The following CDC123 variants were observed in gnomAD, a reference collection of about 807,000 sequenced individuals.
CDC123 encodes translation initiation factor eIF2 assembly protein.
In CDC123, 37 loss-of-function variants were observed where a neutral mutation model predicts 54.4. The ratio of observed to expected loss-of-function variants is 0.68; its 90% confidence interval spans 0.52 to 0.89. CDC123 has a LOEUF of 0.89. CDC123 is among the 40% of genes least tolerant of loss of function. The pLI is 0.00. For missense variants in CDC123, 361 were observed against 412.1 expected (o/e 0.88, Z 1.07); for synonymous variants, 144 against 136.8 (o/e 1.05, Z -0.37).
At chr10:12,236,314 A>C (rs962214425) in intron 8 of CDC123, among the ~76,000 whole-genome samples, 5 of 152,276 alleles carry the variant, frequency 3.3e-5, no homozygotes, top group East Asian at 1.9e-4. Flanking sequence ...AACTGTTTCC[A>C]TGGGCAAGGT....
At chr10:12,221,805 T>A (rs774431573) in intron 6 of CDC123, among the ~76,000 whole-genome samples, 2 of 150,212 alleles carry the variant, frequency 1.3e-5, no homozygotes, top group Non-Finnish European at 2.9e-5. Flanking sequence ...TATTTACTTA[T>A]TTTTTAGCTC....
chr10:12,218,516 G>A (rs1213280989), intron 6 of CDC123, among the ~76,000 whole-genome samples: 1 of 152,162 alleles, frequency 6.6e-6, no homozygotes, highest in Admixed American at 6.5e-5. Context: ...TAGGCTTACA[G>A]GTGTGAGCCA....
At chr10:12,236,254 A>T (rs1014274390) in intron 8 of CDC123, among the ~76,000 whole-genome samples, 2 of 152,220 alleles carry the variant, frequency 1.3e-5, no homozygotes, top group African/African-American at 4.8e-5. Context: ...TTTTTTACAT[A>T]ACAAGACTTT....
intron 10 of CDC123, among the ~76,000 whole-genome samples, chr10:12,244,103 C>T (rs1468148125): frequency 3.9e-5 from 6 of 152,128 alleles, no homozygotes; most frequent in African/African-American, 1.2e-4. Context: ...CAGGCCTGTG[C>T]CACTTAACTG....
chr10:12,231,017 G>T lies in CDC123; in HGVS notation c.489+21G>T. On this transcript the variant is annotated intron_variant, in intron 7 of 12. Transcript: ENST00000281141. ...ATGAGGTAAGAAGCTTATTTTCTTT[G>T]ATAATTGTAGATGAAGATGTGTTGA... The T allele has an allele frequency of 1.9e-6, 3 of 1,568,654 alleles. No individual in the cohort carries two copies. The South Asian group carries it at 3.4e-5, about 18-fold the overall frequency.
chr10:12,221,816 A>C (rs10906101), intron 6 of CDC123, among the ~76,000 whole-genome samples: 1 of 151,568 alleles, frequency 6.6e-6, no homozygotes, highest in East Asian at 1.9e-4. Flanking sequence ...TTTTTAGCTC[A>C]TCAGCTATCA....
chr10:12,198,951 A>C, intron 2 of CDC123, 175 bp downstream of exon 2: 1 of 511,164 alleles, frequency 2.0e-6, no homozygotes. Flanking sequence ...TTTCAACATT[A>C]AGTACTTTTC....
chr10:12,226,056 T>G (rs1360054316), intron 6 of CDC123, among the ~76,000 whole-genome samples: 1 of 152,068 alleles, frequency 6.6e-6, no homozygotes. Flanking sequence ...CAGCACATGT[T>G]TCAGAGAGCA....
chr10:12,215,690 A>G (rs1270935928), intron 4 of CDC123, 50 bp from the exon 5 acceptor site: 3 of 1,085,488 alleles, frequency 2.8e-6, no homozygotes, highest in East Asian at 5.0e-5. Context: ...TGTTTTATAT[A>G]TATACTGTGA....
chr10:12,197,985 A>G (rs763954711), intron 1 of CDC123, among the ~76,000 whole-genome samples: 2 of 152,182 alleles, frequency 1.3e-5, no homozygotes, highest in Non-Finnish European at 2.9e-5. Flanking sequence ...TTGAAGATGT[A>G]TATGCCTCAA....
intron 6 of CDC123, among the ~76,000 whole-genome samples, chr10:12,219,155 C>G (rs933585462): frequency 6.6e-6 from 1 of 152,156 alleles, no homozygotes. Context: ...CACTACGTGT[C>G]GGTCGTGCAT....
At chr10:12,230,452 C>G (rs1415187491) in intron 6 of CDC123, among the ~76,000 whole-genome samples, 1 of 152,196 alleles carries the variant, frequency 6.6e-6, no homozygotes, top group African/African-American at 2.4e-5. Flanking sequence ...CTTGGCCTCC[C>G]AAAGTGGTGG....
chr10:12,234,532 T>A (rs1835953058), intron 7 of CDC123, among the ~76,000 whole-genome samples: 1 of 152,130 alleles, frequency 6.6e-6, no homozygotes, highest in African/African-American at 2.4e-5. Context: ...ATTACTTTAT[T>A]ATTTGATATT....
At position 12,198,763 on chromosome 10, in the gene CDC123, G is replaced by C; in HGVS notation, c.133G>C (p.Val45Leu). 6.3e-7 allele frequency: 1 copy of C among 1,579,808 alleles called. No individual in the cohort carries two copies. The highest frequency in any genetic ancestry group is 8.7e-7 in the Non-Finnish European group (1 of 1,154,408). ...TTATTTACTCGATGATGGAACTCTG[G>C]TGGTTTCAGGAAGGTAAAGTATTTT... is the stretch of plus-strand genomic sequence containing the variant. The part of the protein sequence containing the change: ...KDYLLDDGTL[V>L]VSGRDDPPTH... Residue 45 changes from valine (V) to leucine (L), a missense_variant, in exon 2 of 13, where the codon GTG becomes CTG. Transcript: ENST00000281141.
At chr10:12,234,750 AT>A (rs968508731) in intron 7 of CDC123, among the ~76,000 whole-genome samples, 6,833 of 133,894 alleles carry the variant, frequency 0.051, 107 homozygotes, top group Non-Finnish European at 0.061. Flanking sequence ...CATGTGAAGA[AT>A]TTTTTTTTTT....
rs562846151 is a variant in CDC123 at position 12,219,429 on chromosome 10, C to G, written c.440+1962C>G. Among the ~76,000 whole-genome samples the G allele has an allele frequency of 9.9e-5, 15 of 152,194 alleles. No individual in the cohort carries two copies. The East Asian group carries it at 2.9e-3, about 29-fold the overall frequency. ...TGTTGCCCAAGCTGGTCTCAAACTC[C>G]TGGTCTCAAGTGATCCTTCTGTGCC... On this transcript the variant is annotated intron_variant, in intron 6 of 12. Coordinates refer to ENST00000281141, the MANE Select transcript of CDC123 (RefSeq NM_006023.3).
intron 7 of CDC123, among the ~76,000 whole-genome samples, chr10:12,231,926 AC>A (rs1835907162): frequency 6.6e-6 from 1 of 151,896 alleles, no homozygotes; most frequent in African/African-American, 2.4e-5. Context: ...GCTCACTGAA[AC>A]CTCTGCCTCC....
intron 9 of CDC123, 76 bp downstream of exon 9, chr10:12,237,342 T>C: frequency 8.2e-7 from 1 of 1,212,630 alleles, no homozygotes; most frequent in South Asian, 2.5e-5. Context: ...CTATGGTGTG[T>C]ATCCTAATAA....
intron 10 of CDC123, among the ~76,000 whole-genome samples, chr10:12,242,264 C>G (rs2131766760): frequency 6.6e-6 from 1 of 152,350 alleles, no homozygotes. Flanking sequence ...CCCTCAGGTG[C>G]CCAGGTCCTT....
Sources: allele counts gnomAD v4.1 joint callset (sites outside exome capture counted in the v4.1 genomes callset), GRCh38; gene constraint gnomAD v4.1.1; transcripts MANE v1.5; gene names NCBI Gene and HGNC (gene_info 2026-07-23, HGNC 2026-07-21).